The following CECR2 variants were observed in gnomAD, a reference collection of about 807,000 sequenced individuals.
The protein encoded by CECR2 is chromatin remodeling regulator CECR2.
Under a neutral mutation model 154.5 loss-of-function variants are expected in CECR2, and 30 were observed. The observed-to-expected ratio is 0.19, with a 90% CI of 0.15 to 0.26. CECR2 has a LOEUF of 0.26. CECR2 is among the 10% of genes least tolerant of loss of function. The pLI is 1.00. For missense variants in CECR2, 1,743 were observed against 1,829.3 expected (o/e 0.95, Z 0.86); for synonymous variants, 725 against 683.7 (o/e 1.06, Z -0.94).
chr22:17,458,892 C>CA (rs1033151679), intron 1 of CECR2, among the ~76,000 whole-genome samples: 1 of 151,798 alleles, frequency 6.6e-6, no homozygotes, highest in Admixed American at 6.6e-5. Context: ...TTAAAAGGAG[C>CA]AAAAAAATCT....
At chr22:17,500,018 T>C (rs2055706253) in intron 4 of CECR2, among the ~76,000 whole-genome samples, 1 of 152,258 alleles carries the variant, frequency 6.6e-6, no homozygotes, top group Non-Finnish European at 1.5e-5. Flanking sequence ...GAGACCATCC[T>C]GGCTAATACG....
At chr22:17,399,774 T>C (rs2053865315) in intron 1 of CECR2, among the ~76,000 whole-genome samples, 1 of 152,206 alleles carries the variant, frequency 6.6e-6, no homozygotes, top group Non-Finnish European at 1.5e-5. Flanking sequence ...ACCATGAGTG[T>C]AAAATTGTGG....
At chr22:17,514,769 C>T (rs2056020367) in intron 8 of CECR2, among the ~76,000 whole-genome samples, 1 of 152,132 alleles carries the variant, frequency 6.6e-6, no homozygotes, top group Non-Finnish European at 1.5e-5. Context: ...CGCGGTGGCT[C>T]ACGCCTGTAA....
chr22:17,386,547 T>C (rs1024209764), intron 1 of CECR2, among the ~76,000 whole-genome samples: 2 of 152,060 alleles, frequency 1.3e-5, no homozygotes, highest in Non-Finnish European at 2.9e-5. Flanking sequence ...GTGCCACCGC[T>C]CTCTAATTGT....
At chr22:17,365,887 C>T (rs1320184851), upstream of CECR2, among the ~76,000 whole-genome samples, 1 of 151,770 alleles carries the variant, frequency 6.6e-6, no homozygotes, top group East Asian at 1.9e-4. Flanking sequence ...TGGTTCATTT[C>T]CCAGATTATC....
Position 17,371,187 on chromosome 22 carries a change from C to G in CECR2, c.126+1278C>G, listed in dbSNP as rs1250787203. ...TTCTTCTGTGAATGAAGTGTGGGAACTTGCTCTCGTCGCAGTTAATGAAAT... is the reference window on the plus strand; with the variant it reads ...TTCTTCTGTGAATGAAGTGTGGGAAGTTGCTCTCGTCGCAGTTAATGAAAT... On this transcript the variant is annotated intron_variant, in intron 1 of 18. Transcript: ENST00000262608. Among the ~76,000 whole-genome samples the G allele has an allele frequency of 6.6e-5, 10 of 152,260 alleles. No homozygotes were observed. In the East Asian group the frequency reaches 1.9e-3, roughly 29 times the overall value.
At chr22:17,468,081 G>T (rs954656486) in intron 1 of CECR2, among the ~76,000 whole-genome samples, 1 of 152,172 alleles carries the variant, frequency 6.6e-6, no homozygotes, top group African/African-American at 2.4e-5. Flanking sequence ...TTTTTGCTAT[G>T]GAGGTACTTA....
chr22:17,454,336 T>C (rs1446021166), intron 1 of CECR2, among the ~76,000 whole-genome samples: 1 of 151,382 alleles, frequency 6.6e-6, no homozygotes, highest in African/African-American at 2.4e-5. Flanking sequence ...GGCTCATACC[T>C]GTAATCTCAG....
Position 17,497,389 on chromosome 22 carries a change from G to T in CECR2, c.222-14G>T. 1 of 1,605,522 alleles carries T rather than the reference G, an allele frequency of 6.2e-7. No individual in the cohort carries two copies. Among genetic ancestry groups the T allele is most frequent in the Non-Finnish European group, 8.5e-7 (1 of 1,175,946 alleles). ...TTATATTAATGTATTTTTGTGTTTGGGGCCCTGGTCTAGGCCTCAGACATT... is the reference window on the plus strand; with the variant it reads ...TTATATTAATGTATTTTTGTGTTTGTGGCCCTGGTCTAGGCCTCAGACATT... On this transcript the variant is annotated splice_polypyrimidine_tract_variant and intron_variant, in intron 2 of 18. Coordinates refer to ENST00000262608, the MANE Select transcript of CECR2 (RefSeq NM_001290047.2).
intron 2 of CECR2, among the ~76,000 whole-genome samples, chr22:17,480,078 A>G (rs1335578609): frequency 6.6e-6 from 1 of 152,126 alleles, no homozygotes; most frequent in Admixed American, 6.6e-5. Flanking sequence ...TATTTATTAA[A>G]TAATAGAATA....
chr22:17,474,145 G>T (rs2055172269), intron 1 of CECR2, among the ~76,000 whole-genome samples: 1 of 152,104 alleles, frequency 6.6e-6, no homozygotes, highest in Non-Finnish European at 1.5e-5. Flanking sequence ...TACTGATTCT[G>T]CATTTTAAGT....
chr22:17,516,651 A>G (rs555726370), intron 8 of CECR2, among the ~76,000 whole-genome samples: 244 of 150,888 alleles, frequency 1.6e-3, no homozygotes, highest in African/African-American at 5.4e-3. Context: ...CTGGAGTGCA[A>G]TGGCACCATC....
At chr22:17,459,307 C>T (rs922003851) in intron 1 of CECR2, among the ~76,000 whole-genome samples, 4 of 152,148 alleles carry the variant, frequency 2.6e-5, no homozygotes, top group Non-Finnish European at 5.9e-5. Context: ...TTTGCCCTGC[C>T]CGGCCCTGCA....
intron 1 of CECR2, among the ~76,000 whole-genome samples, chr22:17,431,244 C>A (rs912519103): frequency 6.6e-6 from 1 of 152,140 alleles, no homozygotes; most frequent in African/African-American, 2.4e-5. Flanking sequence ...ATTGCTGTTT[C>A]TTTTACAGGT....
intron 1 of CECR2, among the ~76,000 whole-genome samples, chr22:17,417,135 A>G (rs1442896588): frequency 1.3e-5 from 2 of 150,852 alleles, no homozygotes; most frequent in African/African-American, 4.9e-5. Context: ...TTATTTTTTG[A>G]TTGCCTTTAC....
In CECR2 at chr22:17,413,704, T is replaced by A. The variant is rs1601314978; in HGVS notation, c.126+43795T>A. Among the ~76,000 whole-genome samples the A allele has an allele frequency of 3.9e-5, 6 of 151,928 alleles. No homozygotes were observed. The South Asian group carries it at 8.3e-4, about 21-fold the overall frequency. ...ATTATTATTATTTTTTGAGATGGAG[T>A]CTTGCTCTGTCGCCCAGGCTGGAGT... On this transcript the variant is annotated intron_variant, in intron 1 of 18. Transcript: ENST00000262608.
chr22:17,506,528 G>C (rs1296754), intron 7 of CECR2, among the ~76,000 whole-genome samples: 1 of 152,222 alleles, frequency 6.6e-6, no homozygotes, highest in Non-Finnish European at 1.5e-5. Flanking sequence ...GCCTTTTGTC[G>C]CTTAACATGT....
chr22:17,552,679 C>G (rs1406444693), intron 18 of CECR2, among the ~76,000 whole-genome samples, 156 bp from the exon 19 acceptor site: 3 of 151,376 alleles, frequency 2.0e-5, no homozygotes, highest in East Asian at 3.9e-4. Flanking sequence ...GTCCAGGACT[C>G]TAGAACCTAC....
Position 17,489,134 on chromosome 22 carries a change from A to C in CECR2, c.222-8269A>C, listed in dbSNP as rs191383904. Reference sequence around the variant, plus strand: ...TATTTAGTAGAGACGGGGTTTCACCATGTTAATCAAGCTGGTCTTGAACTC... The same window carrying C: ...TATTTAGTAGAGACGGGGTTTCACCCTGTTAATCAAGCTGGTCTTGAACTC... On this transcript the variant is annotated intron_variant, in intron 2 of 18. Coordinates refer to ENST00000262608, the MANE Select transcript of CECR2 (RefSeq NM_001290047.2). 7.9e-3 allele frequency among the ~76,000 whole-genome samples: 1,206 copies of C among 152,250 alleles called. 15 individuals are homozygous for C. Among genetic ancestry groups the C allele is most frequent in the African/African-American group, 0.028 (1,159 of 41,534 alleles).
Sources: allele counts gnomAD v4.1 joint callset (sites outside exome capture counted in the v4.1 genomes callset), GRCh38; gene constraint gnomAD v4.1.1; transcripts MANE v1.5; gene names NCBI Gene and HGNC (gene_info 2026-07-23, HGNC 2026-07-21).